Variants in LRP2BP observed in about 807,000 individuals in gnomAD.
LRP2BP encodes the protein LRP2 binding protein.
LRP2BP carries 38 observed loss-of-function variants against 45.2 expected under a neutral mutation model. That is an observed-to-expected ratio of 0.84 (90% confidence interval 0.65 to 1.10). The LOEUF (loss-of-function observed/expected upper bound fraction) is 1.10. LRP2BP is among the 50% of genes least tolerant of loss of function. The pLI, the probability that LRP2BP is intolerant of heterozygous loss-of-function variation, is 0.00. For missense variants in LRP2BP, 385 were observed against 418.9 expected (o/e 0.92, Z 0.71); for synonymous variants, 153 against 153.9 (o/e 0.99, Z 0.04).
chr4:185,389,156 G>A (rs937706642), intron 1 of LRP2BP, among the ~76,000 whole-genome samples: 2 of 151,992 alleles, frequency 1.3e-5, no homozygotes, highest in Non-Finnish European at 2.9e-5. Flanking sequence ...TGAGATTACA[G>A]ATGTGAGCCA....
In LRP2BP at chr4:185,395,078, G is replaced by A; in HGVS notation, c.-321C>T. ...TTACTAAAGTCAAGTCAGATATCCAGCTGAGATACAACTTTTTTTTCTGAA... is the reference window on the plus strand; with the variant it reads ...TTACTAAAGTCAAGTCAGATATCCAACTGAGATACAACTTTTTTTTCTGAA... On this transcript the variant is annotated 5_prime_UTR_variant, in exon 1 of 9. Transcript: ENST00000505916. The A allele has an allele frequency of 8.5e-6, 8 of 945,526 alleles. No individual in the cohort carries two copies. The highest frequency in any genetic ancestry group is 9.8e-6 in the Non-Finnish European group (8 of 812,432). The allele number at this position is 945,526 out of a possible 1,614,324, so 58.6% of individuals were successfully genotyped here.
chr4:185,390,293 T>G (rs2095484679), intron 1 of LRP2BP, among the ~76,000 whole-genome samples: 1 of 152,076 alleles, frequency 6.6e-6, no homozygotes, highest in African/African-American at 2.4e-5. Flanking sequence ...GGTGGATCAT[T>G]TGAGGTCAGG....
In LRP2BP at chr4:185,377,941, C is replaced by T. The variant is rs181529388; in HGVS notation, c.106+140G>A. On this transcript the variant is annotated intron_variant, in intron 2 of 8. Transcript: ENST00000505916. The stretch of plus-strand genomic sequence containing the variant: ...AAATGAGCAATTTCACAGATTCTTG[C>T]GGGAAAACTCAAAAGGACTAATGAT... 38 of 668,522 alleles carry T rather than the reference C, an allele frequency of 5.7e-5. No individual in the cohort carries two copies. The East Asian group carries it at 5.8e-4, about 10-fold the overall frequency. 41.4% of individuals were successfully genotyped at this position (668,522 alleles called of 1,614,324 possible). A position where few individuals can be genotyped will look rare whatever the true frequency, so the allele number is the denominator to read the frequency against.
chr4:185,388,519 T>C (rs573525833), intron 1 of LRP2BP, among the ~76,000 whole-genome samples: 1 of 131,108 alleles, frequency 7.6e-6, no homozygotes, highest in Admixed American at 7.2e-5. Context: ...GCTATCTATC[T>C]ACCTACCTAT....
chr4:185,372,828 G>T, intron 7 of LRP2BP, 28 bp downstream of exon 7: 2 of 1,507,134 alleles, frequency 1.3e-6, no homozygotes, highest in Non-Finnish European at 1.8e-6. Flanking sequence ...TTCTGTTACA[G>T]CAGCACAGAA....
upstream of LRP2BP, chr4:185,396,014 G>A (rs2095501395): frequency 1.6e-6 from 1 of 628,390 alleles, no homozygotes; most frequent in Non-Finnish European, 2.0e-6. Context: ...CACCCGCGGG[G>A]CCGGACAGCG....
At chr4:185,385,429 C>T (rs1055829215) in intron 1 of LRP2BP, among the ~76,000 whole-genome samples, 1 of 152,038 alleles carries the variant, frequency 6.6e-6, no homozygotes, top group Non-Finnish European at 1.5e-5. Flanking sequence ...ATCAGGGTCG[C>T]AAAGAGAATT....
chr4:185,386,255 C>A (rs191644222), intron 1 of LRP2BP, among the ~76,000 whole-genome samples: 99 of 152,220 alleles, frequency 6.5e-4, no homozygotes, highest in African/African-American at 2.1e-3. Flanking sequence ...TTAAAGGCTG[C>A]CTGATATGAT....
chr4:185,370,530 C>T, intron 8 of LRP2BP, 110 bp downstream of exon 8: 1 of 1,104,732 alleles, frequency 9.1e-7, no homozygotes, highest in Non-Finnish European at 1.3e-6. Context: ...CAGAGGTTAT[C>T]TGCACAGTAA....
At chr4:185,390,604 G>A (rs569543302) in intron 1 of LRP2BP, 4 of 152,024 alleles carry the variant, frequency 2.6e-5, no homozygotes, top group Non-Finnish European at 5.9e-5. Flanking sequence ...ACTGACTCTT[G>A]GTAGGCATAC....
intron 1 of LRP2BP, among the ~76,000 whole-genome samples, chr4:185,387,810 G>A (rs921870783): frequency 3.9e-5 from 6 of 152,198 alleles, no homozygotes; most frequent in African/African-American, 1.4e-4. Flanking sequence ...ACCAGAGCTC[G>A]AGAAGCCAGC....
At chr4:185,390,406 C>G (rs1043406302) in intron 1 of LRP2BP, among the ~76,000 whole-genome samples, 1 of 151,784 alleles carries the variant, frequency 6.6e-6, no homozygotes, top group Non-Finnish European at 1.5e-5. Context: ...GTAGTCCCAG[C>G]TACTAGGGAG....
Position 185,395,425 on chromosome 4 carries a change from A to G in LRP2BP, c.-668T>C, listed in dbSNP as rs75547850. 81,893 of 985,342 alleles carry G rather than the reference A, an allele frequency of 0.083. 3,752 individuals are homozygous for G. Among genetic ancestry groups the G allele is most frequent in the Non-Finnish European group, 0.093 (76,786 of 829,820 alleles). The allele number at this position is 985,342 out of a possible 1,614,324, so 61.0% of individuals were successfully genotyped here. ...ACCTGAAGCTTCAACACGTGTTTTA[A>G]AAAGCAGTGCTTATTGAATTGATAA... On this transcript the variant is annotated 5_prime_UTR_variant, in exon 1 of 9. Transcript: ENST00000505916.
chr4:185,393,836 G>A (rs1175033252), intron 1 of LRP2BP, among the ~76,000 whole-genome samples: 3 of 152,144 alleles, frequency 2.0e-5, no homozygotes, highest in African/African-American at 7.2e-5. Context: ...ACCCTCAAGA[G>A]TAATTACTTG....
chr4:185,385,297 A>G (rs2095467910), intron 1 of LRP2BP, among the ~76,000 whole-genome samples: 1 of 151,822 alleles, frequency 6.6e-6, no homozygotes, highest in South Asian at 2.1e-4. Context: ...TTATAAATAC[A>G]CTCCGGGATG....
Position 185,367,033 on chromosome 4 carries a change from G to A in LRP2BP, c.*147C>T, listed in dbSNP as rs2095390301. The A allele has an allele frequency of 1.5e-5, 11 of 728,164 alleles. No homozygotes were observed. Among genetic ancestry groups the A allele is most frequent in the East Asian group, 5.2e-5 (2 of 38,310 alleles). 45.1% of individuals were successfully genotyped at this position (728,164 alleles called of 1,614,324 possible). A position where few individuals can be genotyped will look rare whatever the true frequency, so the allele number is the denominator to read the frequency against. On this transcript the variant is annotated 3_prime_UTR_variant, in exon 9 of 9. Coordinates refer to ENST00000505916, the MANE Select transcript of LRP2BP (RefSeq NM_001377440.1). ...CAAGTTGCAAAACTTAACAGCGTAC[G>A]AATTCAAGAACGAAGTAACATGTCA... is the stretch of plus-strand genomic sequence containing the variant.
In LRP2BP at chr4:185,367,080, T is replaced by C; in HGVS notation, c.*100A>G. On this transcript the variant is annotated 3_prime_UTR_variant, in exon 9 of 9. Coordinates refer to ENST00000505916, the MANE Select transcript of LRP2BP (RefSeq NM_001377440.1). ...GTCACCTGTAAAATACCCAGGATAGTGTAATTTGTGATGTGCAAAATAACC... is the reference window on the plus strand; with the variant it reads ...GTCACCTGTAAAATACCCAGGATAGCGTAATTTGTGATGTGCAAAATAACC... The C allele has an allele frequency of 2.0e-6, 2 of 998,192 alleles. No homozygotes were observed. Among genetic ancestry groups the C allele is most frequent in the East Asian group, 4.9e-5 (2 of 40,826 alleles). 61.8% of individuals were successfully genotyped at this position (998,192 alleles called of 1,614,324 possible).
chr4:185,380,723 A>T (rs2095453490), intron 1 of LRP2BP, among the ~76,000 whole-genome samples: 1 of 152,292 alleles, frequency 6.6e-6, no homozygotes, highest in South Asian at 2.1e-4. Flanking sequence ...TGGAAACACA[A>T]GTCAACCCAC....
At chr4:185,375,263 C>A (rs924836095) in intron 4 of LRP2BP, among the ~76,000 whole-genome samples, 1 of 148,834 alleles carries the variant, frequency 6.7e-6, no homozygotes. Context: ...TTTAGTAGAG[C>A]CTGGCCAACA....
Sources: allele counts gnomAD v4.1 joint callset (sites outside exome capture counted in the v4.1 genomes callset), GRCh38; gene constraint gnomAD v4.1.1; transcripts MANE v1.5; gene names NCBI Gene and HGNC (gene_info 2026-07-23, HGNC 2026-07-21).